PIGU: variants seen among roughly 807,000 people sequenced by gnomAD.
PIGU encodes the protein GPI-anchor transamidase component PIGU.
Under a neutral mutation model 49.9 loss-of-function variants are expected in PIGU, and 24 were observed. The ratio of observed to expected loss-of-function variants is 0.48; its 90% confidence interval spans 0.35 to 0.68. The LOEUF (loss-of-function observed/expected upper bound fraction) is 0.68, where lower values mean the gene tolerates loss of function less well. PIGU is among the 30% of genes least tolerant of loss of function. The pLI, the probability that PIGU is intolerant of heterozygous loss-of-function variation, is 0.01. For missense variants in PIGU, 490 were observed against 532.6 expected (o/e 0.92, Z 0.79); for synonymous variants, 220 against 205.7 (o/e 1.07, Z -0.59).
intron 6 of PIGU, among the ~76,000 whole-genome samples, chr20:34,617,151 C>A (rs1262698822): frequency 4.6e-5 from 7 of 152,212 alleles, no homozygotes. Flanking sequence ...TAGGGCAATG[C>A]GGAAGCGAAA....
At chr20:34,626,200 G>C (rs1158235736) in intron 6 of PIGU, among the ~76,000 whole-genome samples, 1 of 151,518 alleles carries the variant, frequency 6.6e-6, no homozygotes, top group African/African-American at 2.4e-5. Flanking sequence ...ATTACTTTAG[G>C]ATAGGTTCTC....
intron 1 of PIGU, among the ~76,000 whole-genome samples, chr20:34,662,209 A>G (rs2146789868): frequency 6.6e-6 from 1 of 151,998 alleles, no homozygotes; most frequent in South Asian, 2.1e-4. Flanking sequence ...AGCAGTTGGG[A>G]CTTCAGGTGT....
Position 34,655,268 on chromosome 20 carries a change from C to T in PIGU, c.195+1912G>A, listed in dbSNP as rs1486650317. Among the ~76,000 whole-genome samples, 3 of 120,356 alleles carry T rather than the reference C, an allele frequency of 2.5e-5. 1 individual carries two copies. Among genetic ancestry groups the T allele is most frequent in the Non-Finnish European group, 5.3e-5 (3 of 56,418 alleles). The allele number at this position is 120,356 out of a possible 152,430, so 79.0% of individuals were successfully genotyped here. A position where few individuals can be genotyped will look rare whatever the true frequency, so the allele number is the denominator to read the frequency against. On this transcript the variant is annotated intron_variant, in intron 2 of 11. Transcript: ENST00000217446. ...GAGGCTATAGTAAGCCATGATCATTCCACCACATTCCAGCCTCGGTGACAG... is the reference window on the plus strand; with the variant it reads ...GAGGCTATAGTAAGCCATGATCATTTCACCACATTCCAGCCTCGGTGACAG...
chr20:34,657,060 T>C, intron 2 of PIGU, 120 bp downstream of exon 2: 1 of 797,892 alleles, frequency 1.3e-6, no homozygotes, highest in Non-Finnish European at 2.0e-6. Flanking sequence ...ACGGGCTGTT[T>C]CTAAATATGA....
intron 6 of PIGU, among the ~76,000 whole-genome samples, chr20:34,627,743 T>G (rs1985547736): frequency 6.6e-6 from 1 of 152,132 alleles, no homozygotes; most frequent in Admixed American, 6.5e-5. Context: ...CTGCGTATAT[T>G]GTTTATTTTA....
intron 1 of PIGU, among the ~76,000 whole-genome samples, chr20:34,659,860 T>C (rs552038735): frequency 3.1e-4 from 47 of 151,774 alleles, no homozygotes; most frequent in South Asian, 1.9e-3. Flanking sequence ...GCAGCATGCT[T>C]GTTAAGAGTC....
chr20:34,614,014 A>T (rs1984913911), intron 7 of PIGU, among the ~76,000 whole-genome samples: 1 of 152,188 alleles, frequency 6.6e-6, no homozygotes, highest in African/African-American at 2.4e-5. Flanking sequence ...AATAATTTCA[A>T]GCTGGGCACA....
In PIGU at chr20:34,581,386, C is replaced by T. The variant is rs1425033951; in HGVS notation, c.1051+162G>A. 5.9e-5 allele frequency among the ~76,000 whole-genome samples: 9 copies of T among 152,168 alleles called. No individual in the cohort carries two copies. The East Asian group carries it at 1.3e-3, about 23-fold the overall frequency. ...GCAATTATTTTTATCATCACAAGTC[C>T]GCGGCACCTGGAAGCAGATATTGTG... On this transcript the variant is annotated intron_variant, in intron 10 of 11. Coordinates refer to ENST00000217446, the MANE Select transcript of PIGU (RefSeq NM_080476.5).
At chr20:34,642,062 A>G (rs921737027) in intron 4 of PIGU, among the ~76,000 whole-genome samples, 16 of 152,168 alleles carry the variant, frequency 1.1e-4, no homozygotes, top group Admixed American at 9.8e-4. Flanking sequence ...AAAAATCTCT[A>G]TATATTTCCA....
intron 7 of PIGU, among the ~76,000 whole-genome samples, chr20:34,595,024 G>A (rs528517136): frequency 1.3e-5 from 2 of 148,540 alleles, no homozygotes; most frequent in Admixed American, 6.7e-5. Context: ...CCCAGGAGGC[G>A]GACGGAGCTT....
chr20:34,647,155 G>A (rs1253700068), intron 2 of PIGU, among the ~76,000 whole-genome samples: 2 of 150,990 alleles, frequency 1.3e-5, no homozygotes, highest in Admixed American at 6.6e-5. Context: ...ATTTTTAGTA[G>A]AGATGGGGTT....
intron 7 of PIGU, among the ~76,000 whole-genome samples, chr20:34,614,559 A>T (rs1984936939): frequency 6.6e-6 from 1 of 150,534 alleles, no homozygotes; most frequent in Non-Finnish European, 1.5e-5. Context: ...TGGGAGATGG[A>T]GGCTGCAGTG....
At chr20:34,671,135 CATTT>C (rs1006186741) in intron 1 of PIGU, among the ~76,000 whole-genome samples, 1 of 152,226 alleles carries the variant, frequency 6.6e-6, no homozygotes, top group Non-Finnish European at 1.5e-5. Flanking sequence ...TCAATTTTCT[CATTT>C]ATAAAATGGG....
intron 4 of PIGU, among the ~76,000 whole-genome samples, chr20:34,639,848 G>T (rs1410859790): frequency 6.6e-6 from 1 of 152,152 alleles, no homozygotes; most frequent in Non-Finnish European, 1.5e-5. Context: ...CACAGCTGGG[G>T]TTGTTTAATT....
At chr20:34,657,827 T>C (rs1986749796) in intron 1 of PIGU, among the ~76,000 whole-genome samples, 1 of 152,198 alleles carries the variant, frequency 6.6e-6, no homozygotes, top group African/African-American at 2.4e-5. Flanking sequence ...TGAATGTCCA[T>C]TAATGAAAAT....
At chr20:34,570,571 C>T (rs1455787465) in intron 11 of PIGU, among the ~76,000 whole-genome samples, 1 of 152,170 alleles carries the variant, frequency 6.6e-6, no homozygotes, top group Non-Finnish European at 1.5e-5. Flanking sequence ...CGTGCCACCA[C>T]ATCCAGATAA....
chr20:34,676,237 T>C (rs1987493543), intron 1 of PIGU, among the ~76,000 whole-genome samples: 1 of 152,018 alleles, frequency 6.6e-6, no homozygotes, highest in African/African-American at 2.4e-5. Flanking sequence ...TCCCACATTC[T>C]GGAAAACTGG....
At chr20:34,585,311 C>A in intron 9 of PIGU, 126 bp downstream of exon 9, 1 of 1,185,602 alleles carries the variant, frequency 8.4e-7, no homozygotes. Flanking sequence ...AGGCAGGTTC[C>A]TTAGGTGAGA....
intron 1 of PIGU, among the ~76,000 whole-genome samples, chr20:34,672,975 C>G (rs1218363296): frequency 6.6e-6 from 1 of 151,678 alleles, no homozygotes; most frequent in East Asian, 1.9e-4. Context: ...AAAATGTCAG[C>G]CCGGCGTGGT....
Sources: allele counts gnomAD v4.1 joint callset (sites outside exome capture counted in the v4.1 genomes callset), GRCh38; gene constraint gnomAD v4.1.1; transcripts MANE v1.5; gene names NCBI Gene and HGNC (gene_info 2026-07-23, HGNC 2026-07-21).